EDC3: variants seen among roughly 807,000 people sequenced by gnomAD.
EDC3 encodes enhancer of mRNA-decapping protein 3.
In EDC3, 20 loss-of-function variants were observed where a neutral mutation model predicts 41.8. The ratio of observed to expected loss-of-function variants is 0.48; its 90% CI spans 0.34 to 0.70. The LOEUF is 0.70. Ranked by LOEUF, EDC3 falls within the 30% of genes least tolerant of loss-of-function variation. The probability of loss-of-function intolerance (pLI) is 0.01; values close to 1 mark genes in which losing one functional copy is unlikely to be tolerated. For missense variants in EDC3, 444 were observed against 636.8 expected, an observed-to-expected ratio of 0.70 and a Z score of 3.26; for synonymous variants, 206 against 243.2, an observed-to-expected ratio of 0.85 and a Z score of 1.42.
At position 74,655,880 on chromosome 15, in the gene EDC3, A is replaced by G. The variant is rs752566564; in HGVS notation, c.673T>C (p.Tyr225His). The change falls in exon 4 of 7, where the codon TAT becomes CAT. Residue 225 changes from tyrosine to histidine, a missense_variant. Around this residue, in one of 3 missense-constraint regions of EDC3, gnomAD observed 242 missense variants for 363.8 expected, o/e 0.67. Coordinates refer to ENST00000315127, the MANE Select transcript of EDC3 (RefSeq NM_025083.5). ...GAACGGGTACCACTTCTCCTTTCAT[A>G]GGTATCAATCTCCTCAAACACAGCT... is the stretch of plus-strand genomic sequence containing the variant. ...KAAVFEEIDT[Y>H]ERRSGTRSRG... 1.2e-6 allele frequency: 2 copies of G among 1,614,184 alleles called. No homozygotes were observed. Among genetic ancestry groups the G allele is most frequent in the African/African-American group, 1.3e-5 (1 of 75,030 alleles).
At chr15:74,663,526 T>C (rs1429972295) in intron 3 of EDC3, among the ~76,000 whole-genome samples, 1 of 152,026 alleles carries the variant, frequency 6.6e-6, no homozygotes, top group Non-Finnish European at 1.5e-5. Flanking sequence ...GCATTTTGGA[T>C]TTCTGGATTA....
intron 1 of EDC3, chr15:74,695,606 A>C (rs1393234270): frequency 6.6e-6 from 1 of 152,334 alleles, no homozygotes. Flanking sequence ...GCCACCAACA[A>C]GGCTGGACTA....
chr15:74,680,260 CAAAAAAAAAAAAAA>C (rs34873831), intron 1 of EDC3, among the ~76,000 whole-genome samples: 6 of 64,284 alleles, frequency 9.3e-5, no homozygotes, highest in African/African-American at 2.0e-4. Flanking sequence ...GACTCCATCT[CAAAAAAAAAAAAAA>C]AAAAAAAAAA....
At chr15:74,662,594 C>T (rs1364952870) in intron 3 of EDC3, among the ~76,000 whole-genome samples, 1 of 151,862 alleles carries the variant, frequency 6.6e-6, no homozygotes, top group Non-Finnish European at 1.5e-5. Flanking sequence ...AAGTTGTTGA[C>T]AATAATATAA....
At chr15:74,654,168 G>C (rs928768758) in intron 4 of EDC3, among the ~76,000 whole-genome samples, 1 of 151,526 alleles carries the variant, frequency 6.6e-6, no homozygotes, top group Non-Finnish European at 1.5e-5. Context: ...CAGGAGAATC[G>C]CTTGAACCCA....
At chr15:74,653,640 C>G (rs1280078545) in intron 4 of EDC3, among the ~76,000 whole-genome samples, 4 of 152,198 alleles carry the variant, frequency 2.6e-5, no homozygotes, top group African/African-American at 4.8e-5. Context: ...CAACTGGTCA[C>G]TACATACCAC....
intron 1 of EDC3, among the ~76,000 whole-genome samples, chr15:74,688,616 A>C (rs2062965299): frequency 1.3e-5 from 2 of 152,110 alleles, no homozygotes; most frequent in South Asian, 2.1e-4. Context: ...TCAAAAGTAC[A>C]TCTGTGAGGC....
intron 4 of EDC3, chr15:74,640,861 T>A (rs571735124): frequency 5.8e-6 from 3 of 516,942 alleles, no homozygotes; most frequent in Non-Finnish European, 1.0e-5. Context: ...TAAGCTCCCT[T>A]AGCAATTTAG....
chr15:74,648,378 G>A (rs1338009793), intron 4 of EDC3, among the ~76,000 whole-genome samples: 2 of 152,236 alleles, frequency 1.3e-5, no homozygotes, highest in African/African-American at 4.8e-5. Context: ...AATGCCAGCT[G>A]TGAAAGAGAC....
intron 3 of EDC3, among the ~76,000 whole-genome samples, chr15:74,664,622 C>T (rs1024575465): frequency 6.6e-6 from 1 of 152,180 alleles, no homozygotes; most frequent in East Asian, 1.9e-4. Context: ...TGTTTTACTG[C>T]CAGATTAAAC....
At chr15:74,652,486 C>A (rs371632979) in intron 4 of EDC3, among the ~76,000 whole-genome samples, 11 of 152,182 alleles carry the variant, frequency 7.2e-5, no homozygotes, top group Admixed American at 1.3e-4. Flanking sequence ...CCTCAGCCCC[C>A]CAAAGTGCTG....
rs376998624 is a variant in EDC3 at position 74,655,583 on chromosome 15, T to A, written c.820+150A>T. 2.7e-4 allele frequency: 201 copies of A among 738,300 alleles called. 1 individual carries two copies. The highest frequency in any genetic ancestry group is 1.4e-3 in the East Asian group (51 of 36,852). 45.7% of individuals were successfully genotyped at this position (738,300 alleles called of 1,614,324 possible). On this transcript the variant is annotated intron_variant, in intron 4 of 6. Coordinates refer to ENST00000315127, the MANE Select transcript of EDC3 (RefSeq NM_025083.5). ...GGCAGAATGCTGTTATTGGCTGCAA[T>A]CCCCAAGAGACAATAATACCGGGCC...
At chr15:74,694,747 T>C (rs1348719882) in intron 1 of EDC3, among the ~76,000 whole-genome samples, 1 of 152,156 alleles carries the variant, frequency 6.6e-6, no homozygotes, top group Non-Finnish European at 1.5e-5. Context: ...GTGTACACAC[T>C]GAGTGTGCAG....
intron 4 of EDC3, among the ~76,000 whole-genome samples, chr15:74,647,357 G>A (rs2062430387): frequency 6.6e-6 from 1 of 152,092 alleles, no homozygotes; most frequent in Non-Finnish European, 1.5e-5. Context: ...AATGGCAAGA[G>A]GGCACATATT....
chr15:74,650,706 A>G (rs1011468834), intron 4 of EDC3, among the ~76,000 whole-genome samples: 10 of 152,354 alleles, frequency 6.6e-5, no homozygotes, highest in Non-Finnish European at 1.0e-4. Context: ...TTAGAATACC[A>G]TGAGTGTTAG....
chr15:74,680,892 T>A (rs902588727), intron 1 of EDC3, among the ~76,000 whole-genome samples: 2 of 151,470 alleles, frequency 1.3e-5, no homozygotes, highest in African/African-American at 4.9e-5. Flanking sequence ...GCTCAAAAAA[T>A]AAAGTACTAG....
intron 1 of EDC3, among the ~76,000 whole-genome samples, chr15:74,678,740 A>C (rs570434667): frequency 6.6e-6 from 1 of 151,818 alleles, no homozygotes; most frequent in South Asian, 2.1e-4. Flanking sequence ...AAATACAAAA[A>C]TTAGCCAGGC....
At chr15:74,682,269 C>A (rs749954118) in intron 1 of EDC3, among the ~76,000 whole-genome samples, 2 of 152,124 alleles carry the variant, frequency 1.3e-5, no homozygotes, top group Admixed American at 6.6e-5. Context: ...TTGCAGTGAG[C>A]CGTGATCCCA....
intron 2 of EDC3, among the ~76,000 whole-genome samples, chr15:74,673,522 A>T (rs1292489719): frequency 7.0e-6 from 1 of 142,130 alleles, no homozygotes; most frequent in Non-Finnish European, 1.5e-5. Context: ...TGTCTGTCTC[A>T]TAATGGGACT....
Sources: allele counts gnomAD v4.1 joint callset (sites outside exome capture counted in the v4.1 genomes callset), GRCh38; gene constraint gnomAD v4.1.1; regional missense constraint gnomAD v4.1.1; transcripts MANE v1.5; gene names NCBI Gene and HGNC (gene_info 2026-07-23, HGNC 2026-07-21).